Variants in SNX4 observed in about 807,000 individuals in gnomAD.
SNX4 encodes the protein sorting nexin 4, also known as sorting nexin-4.
Under a neutral mutation model 70.8 loss-of-function variants are expected in SNX4, and 49 were observed. That is an observed-to-expected ratio of 0.69 (90% confidence interval 0.55 to 0.88). The LOEUF is 0.88. SNX4 is among the 40% of genes least tolerant of loss of function. The pLI is 0.00. For synonymous variants in SNX4, 206 were observed against 183.8 expected (o/e 1.12, Z -0.98); for missense variants, 528 against 544.8 (o/e 0.97, Z 0.31).
chr3:125,479,933 T>A (rs1479903033), intron 7 of SNX4, among the ~76,000 whole-genome samples: 1 of 151,896 alleles, frequency 6.6e-6, no homozygotes, highest in Non-Finnish European at 1.5e-5. Context: ...AAAAAAAACA[T>A]GAAAGAATAT....
At chr3:125,456,217 A>G (rs1048561819) in intron 11 of SNX4, among the ~76,000 whole-genome samples, 1 of 152,224 alleles carries the variant, frequency 6.6e-6, no homozygotes, top group Non-Finnish European at 1.5e-5. Context: ...TAAGCATTAA[A>G]GAATAAAGTA....
At chr3:125,464,858 C>T (rs1317049426) in intron 9 of SNX4, among the ~76,000 whole-genome samples, 2 of 152,038 alleles carry the variant, frequency 1.3e-5, no homozygotes, top group African/African-American at 4.8e-5. Context: ...AATTCTCCTG[C>T]CTCAGCTTCC....
At chr3:125,500,891 CA>C (rs11293773) in intron 2 of SNX4, among the ~76,000 whole-genome samples, 61,062 of 125,678 alleles carry the variant, frequency 0.49, 13,117 homozygotes, top group Admixed American at 0.55. Flanking sequence ...GGCTAATTTA[CA>C]AAAAAAAAAA....
At chr3:125,503,334 G>A (rs1934973798) in intron 2 of SNX4, among the ~76,000 whole-genome samples, 1 of 152,168 alleles carries the variant, frequency 6.6e-6, no homozygotes, top group Non-Finnish European at 1.5e-5. Context: ...TATATAAATT[G>A]TTAATAACTG....
chr3:125,495,680 T>G (rs1254799848), intron 5 of SNX4, among the ~76,000 whole-genome samples: 1 of 152,154 alleles, frequency 6.6e-6, no homozygotes, highest in Non-Finnish European at 1.5e-5. Flanking sequence ...CAGAGTTTTC[T>G]CAGAATCACT....
intron 8 of SNX4, among the ~76,000 whole-genome samples, chr3:125,475,249 CTCTA>C (rs1246871585): frequency 3.3e-5 from 5 of 152,002 alleles, no homozygotes; most frequent in Non-Finnish European, 7.3e-5. Flanking sequence ...AAATTTAAAT[CTCTA>C]TCTCACATCT....
intron 10 of SNX4, 56 bp from the exon 11 acceptor site, chr3:125,457,421 T>G (rs1933750687): frequency 7.5e-7 from 1 of 1,327,334 alleles, no homozygotes; most frequent in East Asian, 2.3e-5. Flanking sequence ...GTCAAACATT[T>G]TTTTCAAGGG....
rs746156073 is a variant in SNX4 at position 125,451,336 on chromosome 3, T to C, written c.1274A>G (p.Tyr425Cys). ...GCACATACTGATCTGCATGACTGCA[T>C]AGCTTATGAGGGCCTCCTTTAAGTC... The part of the protein sequence containing the change: ...NRDLKEALIS[Y>C]AVMQISMCKK... The change falls in exon 13 of 14, where the codon TAT becomes TGT. Residue 425 changes from tyrosine to cysteine, a missense_variant. By Grantham distance (194) the Tyr-to-Cys change is radical. This residue lies in a region of SNX4 where 159 missense variants were observed against 172.6 expected (regional missense o/e 0.92). Coordinates refer to ENST00000251775, the MANE Select transcript of SNX4 (RefSeq NM_003794.4). 5 of 1,613,796 alleles carry C rather than the reference T, an allele frequency of 3.1e-6. No homozygotes were observed. In the Admixed American group the frequency reaches 5.0e-5, roughly 16 times the overall value.
chr3:125,468,154 G>C (rs1313816231), intron 9 of SNX4, among the ~76,000 whole-genome samples: 1 of 152,172 alleles, frequency 6.6e-6, no homozygotes, highest in Non-Finnish European at 1.5e-5. Flanking sequence ...AAAAAACCAA[G>C]TATCACATAT....
intron 10 of SNX4, among the ~76,000 whole-genome samples, chr3:125,459,894 T>G (rs1403696318): frequency 6.6e-6 from 1 of 152,032 alleles, no homozygotes; most frequent in South Asian, 2.1e-4. Flanking sequence ...AGAATTCTTA[T>G]ACTGCTTTTA....
chr3:125,463,720 T>C (rs1182473601), intron 9 of SNX4, among the ~76,000 whole-genome samples: 2 of 152,216 alleles, frequency 1.3e-5, no homozygotes, highest in Non-Finnish European at 2.9e-5. Context: ...TTTTGATGTA[T>C]GTATACATCA....
At chr3:125,468,516 C>G (rs1299621742) in intron 9 of SNX4, among the ~76,000 whole-genome samples, 2 of 151,680 alleles carry the variant, frequency 1.3e-5, no homozygotes, top group Non-Finnish European at 2.9e-5. Context: ...GCCTGGGAAA[C>G]ACAGCAAGAC....
chr3:125,491,745 T>C (rs1309223508), intron 5 of SNX4, among the ~76,000 whole-genome samples: 1 of 152,138 alleles, frequency 6.6e-6, no homozygotes, highest in Non-Finnish European at 1.5e-5. Flanking sequence ...ATGATCCTAT[T>C]TTACTTCCTT....
At chr3:125,454,270 A>G (rs1214846614) in intron 11 of SNX4, among the ~76,000 whole-genome samples, 1 of 152,220 alleles carries the variant, frequency 6.6e-6, no homozygotes, top group African/African-American at 2.4e-5. Context: ...ACCAGGCTGC[A>G]TAGCAGGAGG....
rs563645267 is a variant in SNX4, at chr3:125,515,195, T to C, written c.141+4837A>G. Among the ~76,000 whole-genome samples the C allele has an allele frequency of 1.3e-4, 19 of 148,636 alleles. No homozygotes were observed. The East Asian group carries it at 1.4e-3, about 11-fold the overall frequency. On this transcript the variant is annotated intron_variant, in intron 1 of 13. Transcript: ENST00000251775. ...AAACCCCATCTCTACTAAAAAAAAA[T>C]ACAAAAATTAGCCAGGCGTGGTGGC...
intron 5 of SNX4, among the ~76,000 whole-genome samples, chr3:125,491,927 C>A (rs1934669462): frequency 1.3e-5 from 2 of 151,504 alleles, no homozygotes; most frequent in Non-Finnish European, 2.9e-5. Flanking sequence ...GCCAATATGG[C>A]GAAACCCTGT....
At chr3:125,487,835 G>A (rs1351212169) in intron 6 of SNX4, among the ~76,000 whole-genome samples, 1 of 151,816 alleles carries the variant, frequency 6.6e-6, no homozygotes, top group Non-Finnish European at 1.5e-5. Context: ...ATGAACAGGT[G>A]CAGTAGAGAG....
At chr3:125,459,132 C>T (rs1579975525) in intron 10 of SNX4, among the ~76,000 whole-genome samples, 2 of 152,022 alleles carry the variant, frequency 1.3e-5, no homozygotes, top group South Asian at 2.1e-4. Flanking sequence ...AGAGATTGTG[C>T]CACTGTACTC....
intron 1 of SNX4, among the ~76,000 whole-genome samples, chr3:125,505,674 T>G (rs1430696332): frequency 6.6e-6 from 1 of 152,174 alleles, no homozygotes; most frequent in Non-Finnish European, 1.5e-5. Context: ...TTGCTGTTGC[T>G]CCTCCCCATG....
Sources: allele counts gnomAD v4.1 joint callset (sites outside exome capture counted in the v4.1 genomes callset), GRCh38; gene constraint gnomAD v4.1.1; regional missense constraint gnomAD v4.1.1; transcripts MANE v1.5; gene names NCBI Gene and HGNC (gene_info 2026-07-23, HGNC 2026-07-21).